ZNF780A: variants seen among roughly 807,000 people sequenced by gnomAD.
ZNF780A encodes the protein zinc finger protein 780A.
A neutral mutation model predicts 56.7 loss-of-function variants in ZNF780A; 40 were observed. The ratio of observed to expected loss-of-function variants is 0.71; its 90% CI spans 0.55 to 0.92. ZNF780A has a LOEUF of 0.92. ZNF780A is among the 40% of genes least tolerant of loss of function. ZNF780A has a pLI of 0.00. For missense variants in ZNF780A, 672 were observed against 783.3 expected, an observed-to-expected ratio of 0.86 and a Z score of 1.70; for synonymous variants, 231 against 248.3, an observed-to-expected ratio of 0.93 and a Z score of 0.66.
chr19:40,081,370 T>C (rs1405411453), intron 5 of ZNF780A, among the ~76,000 whole-genome samples: 1 of 151,786 alleles, frequency 6.6e-6, no homozygotes. Flanking sequence ...CCATCTCTAC[T>C]AAAAATACAA....
chr19:40,085,370 G>A (rs1031751146), intron 2 of ZNF780A: 6 of 982,334 alleles, frequency 6.1e-6, no homozygotes, highest in Non-Finnish European at 7.3e-6. Context: ...CCACTTAATA[G>A]AATACAAAGT....
chr19:40,072,765 G>A, downstream of ZNF780A: 1 of 1,344,334 alleles, frequency 7.4e-7, no homozygotes, highest in South Asian at 2.2e-5. Context: ...AAAACATAGA[G>A]GCCCAGAATT....
intron 2 of ZNF780A, among the ~76,000 whole-genome samples, chr19:40,085,010 A>G (rs1401083369): frequency 2.6e-5 from 4 of 152,266 alleles, no homozygotes; most frequent in Non-Finnish European, 4.4e-5. Flanking sequence ...TCTCGCCTGC[A>G]TCCCAGGGAA....
chr19:40,089,714 T>A (rs1975034137), intron 2 of ZNF780A, among the ~76,000 whole-genome samples: 1 of 151,966 alleles, frequency 6.6e-6, no homozygotes, highest in South Asian at 2.1e-4. Flanking sequence ...ATTACAAATA[T>A]CATCTCATGG....
chr19:40,076,066 G>A lies in ZNF780A; in HGVS notation c.376C>T (p.Gln126Ter). 6.2e-7 allele frequency: 1 copy of A among 1,613,758 alleles called. No individual in the cohort carries two copies. The highest frequency in any genetic ancestry group is 2.2e-5 in the East Asian group (1 of 44,848). Residue 126 changes from glutamine (Q) to a stop codon, truncating the protein, a stop_gained, in exon 6 of 6, where the codon CAA becomes TAA. Transcript: ENST00000683561. LOFTEE classifies it high-confidence loss of function. ...TGATATCCCTGTAGTCCCTCAAATT[G>A]TCTATATTCTGAGTCATTTCTAAAA... is the stretch of plus-strand genomic sequence containing the variant. ...FYFRNDSEYR[Q>*]FEGLQGYQEG...
intron 3 of ZNF780A, 118 bp downstream of exon 3, chr19:40,084,627 G>T: frequency 9.8e-7 from 1 of 1,022,490 alleles, no homozygotes; most frequent in Non-Finnish European, 1.4e-6. Context: ...TCACTGTAAT[G>T]GGACAAACTG....
At chr19:40,085,121 C>G in intron 2 of ZNF780A, 6 of 984,096 alleles carry the variant, frequency 6.1e-6, no homozygotes, top group Non-Finnish European at 7.2e-6. Flanking sequence ...TGGCCTAGGT[C>G]TGGACCTCTG....
rs766274817 is a variant in ZNF780A, at chr19:40,075,116, CT to C, written c.1325del (p.Glu442GlyfsTer296). Reference sequence around the variant, plus strand: ...CACATTCCCTACATACAAAAGGTTTCTCATTGGAATGAATTTTCTGATGCTG... The same window carrying C: ...CACATTCCCTACATACAAAAGGTTTCCATTGGAATGAATTTTCTGATGCTG... ...LIQHQKIHSNEKPFVCRECEM... is the reference protein window; with the variant it reads ...LIQHQKIHSNXKPFVCRECEM... On this transcript the variant is annotated frameshift_variant, in exon 6 of 6. Coordinates refer to ENST00000683561, the MANE Select transcript of ZNF780A (RefSeq NM_001142578.2). LOFTEE classifies it high-confidence loss of function. 6.2e-7 allele frequency: 1 copy of C among 1,613,982 alleles called. No individual in the cohort carries two copies. Among genetic ancestry groups the C allele is most frequent in the Admixed American group, 1.7e-5 (1 of 60,008 alleles).
intron 1 of ZNF780A, chr19:40,090,507 C>G (rs915869830): frequency 2.0e-4 from 30 of 152,210 alleles, no homozygotes; most frequent in Non-Finnish European, 4.1e-4. Context: ...AAGCTTCATT[C>G]TCGGCTCAAT....
At chr19:40,081,304 G>A (rs1033953763) in intron 5 of ZNF780A, among the ~76,000 whole-genome samples, 3 of 151,824 alleles carry the variant, frequency 2.0e-5, no homozygotes, top group Admixed American at 6.6e-5. Flanking sequence ...AGGCCGAGGC[G>A]GGCAGATCAT....
chr19:40,075,862 C>T lies in ZNF780A; in HGVS notation c.580G>A (p.Glu194Lys), dbSNP rs1974102077. The change falls in exon 6 of 6, where the codon GAA becomes AAA. Residue 194 changes from glutamate (E) to lysine (K), a missense_variant. Coordinates refer to ENST00000683561, the MANE Select transcript of ZNF780A (RefSeq NM_001142578.2). ...QSIHTGEKPF[E>K]CKECGKAFRL... ...AAGGCTTTCCCACACTCCTTACATT[C>T]AAAGGGTTTCTCTCCAGTATGAATA... The T allele has an allele frequency of 1.9e-6, 3 of 1,613,928 alleles. No homozygotes were observed. Among genetic ancestry groups the T allele is most frequent in the African/African-American group, 1.3e-5 (1 of 74,940 alleles).
rs1299209741 is a variant in ZNF780A, at chr19:40,075,860, T to C, written c.582A>G (p.Glu194=). Residue 194 remains glutamate (E), a synonymous_variant, in exon 6 of 6, where the codon GAA becomes GAG. Coordinates refer to ENST00000683561, the MANE Select transcript of ZNF780A (RefSeq NM_001142578.2). ...GAAAGGCTTTCCCACACTCCTTACA[T>C]TCAAAGGGTTTCTCTCCAGTATGAA... ...QSIHTGEKPF[E]CKECGKAFRL... 1 of 1,613,962 alleles carries C rather than the reference T, an allele frequency of 6.2e-7. No homozygotes were observed. The highest frequency in any genetic ancestry group is 8.5e-7 in the Non-Finnish European group (1 of 1,179,982).
In ZNF780A at chr19:40,089,617, T is replaced by TACACACACACACAC. The variant is rs5828058; in HGVS notation, c.-46+535_-46+548dup. On this transcript the variant is annotated intron_variant, in intron 2 of 5. Coordinates refer to ENST00000683561, the MANE Select transcript of ZNF780A (RefSeq NM_001142578.2). ...CACAACAGTGTACTGCCTCTCACAG[T>TACACACACACACAC]ACACACACACACACACACACACACA... Among the ~76,000 whole-genome samples, 3 of 147,914 alleles carry TACACACACACACAC rather than the reference T, an allele frequency of 2.0e-5. No homozygotes were observed. In the Admixed American group the frequency reaches 2.0e-4, roughly 10 times the overall value.
At chr19:40,084,446 C>T (rs1360105703) in intron 3 of ZNF780A, among the ~76,000 whole-genome samples, 3 of 152,212 alleles carry the variant, frequency 2.0e-5, no homozygotes, top group Non-Finnish European at 2.9e-5. Flanking sequence ...ACCCATAAGA[C>T]CCTGTTTCCC....
chr19:40,083,396 G>A (rs1458253418), intron 3 of ZNF780A, among the ~76,000 whole-genome samples, 159 bp from the exon 4 acceptor site: 1 of 152,202 alleles, frequency 6.6e-6, no homozygotes, highest in African/African-American at 2.4e-5. Flanking sequence ...TGAGTATGGT[G>A]GCTTATGCCT....
At position 40,075,032 on chromosome 19, in the gene ZNF780A, G is replaced by C. The variant is rs369925866; in HGVS notation, c.1410C>G (p.Asp470Glu). The change falls in exon 6 of 6, where the codon GAC (aspartate) becomes GAG (glutamate). Residue 470 changes from aspartate to glutamate, a missense_variant. Physicochemically the swap from Asp to Glu is conservative, Grantham distance 45 (BLOSUM62 2). Transcript: ENST00000683561. ...CACAGTCTTGACATTCAAATGGCTT[G>C]TCACCAGTATGAATTCGAGAATGTT... ...LIEHSRIHTGDKPFECQDCGK... is the reference protein window; with the variant it reads ...LIEHSRIHTGEKPFECQDCGK... 6 of 1,613,636 alleles carry C rather than the reference G, an allele frequency of 3.7e-6. No homozygotes were observed. In the African/African-American group the frequency reaches 6.7e-5, roughly 18 times the overall value.
In ZNF780A at chr19:40,081,830, C is replaced by T. The variant is rs533290623; in HGVS notation, c.221G>A (p.Arg74Lys). 2 of 1,612,386 alleles carry T rather than the reference C, an allele frequency of 1.2e-6. No individual in the cohort carries two copies. The highest frequency in any genetic ancestry group is 2.2e-5 in the South Asian group (2 of 91,060). ...TTACCCTCACTTACCTGGATACCGTCTGCTTGTTTCTTTCCTTACAACCAT... is the reference window on the plus strand; with the variant it reads ...TTACCCTCACTTACCTGGATACCGTTTGCTTGTTTCTTTCCTTACAACCAT... ...PWMVVRKETS[R>K]RYPDLELKYG... is the part of the protein sequence containing the mutation. The change falls in exon 5 of 6, where the codon AGA becomes AAA. Residue 74 changes from arginine (R) to lysine (K), a missense_variant. Transcript: ENST00000683561.
At chr19:40,078,964 A>G (rs148095532) in intron 5 of ZNF780A, among the ~76,000 whole-genome samples, 205 of 152,338 alleles carry the variant, frequency 1.3e-3, no homozygotes, top group Non-Finnish European at 2.4e-3. Context: ...AAATCAATTA[A>G]TAAAATGACA....
chr19:40,083,946 C>T (rs1346826525), intron 3 of ZNF780A, among the ~76,000 whole-genome samples: 2 of 152,010 alleles, frequency 1.3e-5, no homozygotes, highest in African/African-American at 4.8e-5. Context: ...GTTACCCAGG[C>T]TGGAGTGCAG....
Sources: gnomAD v4.1 joint callset for allele counts (sites outside exome capture counted in the v4.1 genomes callset) on GRCh38, gnomAD v4.1.1 for gene constraint, MANE v1.5 for transcripts, NCBI Gene and HGNC (gene_info 2026-07-23, HGNC 2026-07-21) for gene names.